EOGT: variants seen among roughly 807,000 people sequenced by gnomAD.
The protein encoded by EOGT is EGF domain specific O-linked N-acetylglucosamine transferase, also known as EGF domain-specific O-linked N-acetylglucosamine transferase.
Under a neutral mutation model 70.5 loss-of-function variants are expected in EOGT, and 55 were observed. The ratio of observed to expected loss-of-function variants is 0.78; its 90% confidence interval spans 0.63 to 0.98. The LOEUF (loss-of-function observed/expected upper bound fraction) is 0.98, where lower values mean the gene tolerates loss of function less well. Ranked by LOEUF, EOGT falls within the 50% of genes least tolerant of loss-of-function variation. The pLI, the probability that EOGT is intolerant of heterozygous loss-of-function variation, is 0.00. For synonymous variants in EOGT, 246 were observed against 217.1 expected (o/e 1.13, Z -1.17); for missense variants, 703 against 641.9 (o/e 1.10, Z -1.03).
chr3:68,989,966 T>C (rs2090939976), intron 10 of EOGT, among the ~76,000 whole-genome samples: 1 of 151,780 alleles, frequency 6.6e-6, no homozygotes, highest in East Asian at 1.9e-4. Flanking sequence ...AATAAAAATA[T>C]ATAACATATG....
chr3:69,006,027 G>A (rs1243390879), intron 6 of EOGT, among the ~76,000 whole-genome samples: 2 of 152,126 alleles, frequency 1.3e-5, no homozygotes, highest in African/African-American at 4.8e-5. Context: ...AACCCCCAAT[G>A]TGATGATATT....
chr3:68,996,723 C>T (rs2091158747), intron 10 of EOGT, among the ~76,000 whole-genome samples: 1 of 152,174 alleles, frequency 6.6e-6, no homozygotes, highest in South Asian at 2.1e-4. Context: ...CTGAGGCTGC[C>T]CTGCCAGCAA....
intron 1 of EOGT, 44 bp from the exon 2 acceptor site, chr3:69,012,843 T>C (rs2091609741): frequency 6.6e-6 from 1 of 152,376 alleles, no homozygotes. Flanking sequence ...AGATGATGGA[T>C]AGGAGGCAAA....
At chr3:69,004,299 T>G in intron 8 of EOGT, 79 bp downstream of exon 8, 2 of 1,057,832 alleles carry the variant, frequency 1.9e-6, no homozygotes, top group Non-Finnish European at 2.9e-6. Context: ...ATTTTCCATT[T>G]GAGAGTCTCC....
Position 68,977,624 on chromosome 3 carries a change from C to A in EOGT, c.1578G>T (p.Glu526Asp). The A allele has an allele frequency of 6.2e-7, 1 of 1,613,716 alleles. No individual in the cohort carries two copies. The highest frequency in any genetic ancestry group is 8.5e-7 in the Non-Finnish European group (1 of 1,179,864). ...GCAAACAGACTCAGCATATTTATAG[C>A]TCATCATGTTTCTTCTTAAATGGCC... ...PKWPFKKKHD[E>D]L The change falls in exon 18 of 18, where the codon GAG (glutamate) becomes GAT (aspartate). Residue 526 changes from glutamate to aspartate, a missense_variant. By Grantham distance (45) the Glu-to-Asp change is conservative. Transcript: ENST00000383701.
rs1240066046 is a variant in EOGT, at chr3:68,994,116, T to C, written c.831+3895A>G. Among the ~76,000 whole-genome samples, 10 of 152,154 alleles carry C rather than the reference T, an allele frequency of 6.6e-5. No homozygotes were observed. In the East Asian group the frequency reaches 7.7e-4, roughly 12 times the overall value. Reference sequence around the variant, plus strand: ...CAGATGTCAAATCAGAAGACAGTAATATATATTATATATACGCACACACAC... The same window carrying C: ...CAGATGTCAAATCAGAAGACAGTAACATATATTATATATACGCACACACAC... On this transcript the variant is annotated intron_variant, in intron 10 of 17. Coordinates refer to ENST00000383701, the MANE Select transcript of EOGT (RefSeq NM_001278689.2).
intron 4 of EOGT, among the ~76,000 whole-genome samples, chr3:69,008,773 TAGACGCTCAA>T (rs2091499394): frequency 6.6e-6 from 1 of 152,230 alleles, no homozygotes; most frequent in Admixed American, 6.5e-5. Context: ...GGGCTTTACC[TAGACGCTCAA>T]AGACCACTTG....
intron 9 of EOGT, among the ~76,000 whole-genome samples, chr3:68,998,790 T>C (rs1302447696): frequency 7.6e-6 from 1 of 131,332 alleles, no homozygotes; most frequent in Admixed American, 9.1e-5. Context: ...TGAACCAAGA[T>C]CACACCACTG....
At chr3:69,004,722 C>G (rs1005564332) in intron 7 of EOGT, among the ~76,000 whole-genome samples, 6 of 152,204 alleles carry the variant, frequency 3.9e-5, no homozygotes, top group African/African-American at 1.4e-4. Flanking sequence ...ATCCATCCCC[C>G]CACCCATTCC....
At chr3:68,979,591 T>C in intron 16 of EOGT, 77 bp downstream of exon 16, 1 of 1,459,640 alleles carries the variant, frequency 6.9e-7, no homozygotes, top group Non-Finnish European at 9.3e-7. Flanking sequence ...AGCCTTTTGA[T>C]GCTCAGAATG....
chr3:68,994,395 G>A (rs114188136), intron 10 of EOGT, among the ~76,000 whole-genome samples: 181 of 152,222 alleles, frequency 1.2e-3, no homozygotes, highest in African/African-American at 4.2e-3. Flanking sequence ...GTTACCCTTG[G>A]GGGAACAGGG....
chr3:68,988,883 C>T (rs1559594670), intron 11 of EOGT, 42 bp downstream of exon 11: 1 of 1,121,076 alleles, frequency 8.9e-7, no homozygotes, highest in Non-Finnish European at 1.3e-6. Flanking sequence ...GTCATCTGCA[C>T]TCAAGAAATA....
intron 17 of EOGT, among the ~76,000 whole-genome samples, chr3:68,977,967 G>A (rs893309831): frequency 1.3e-5 from 2 of 152,176 alleles, no homozygotes; most frequent in African/African-American, 2.4e-5. Flanking sequence ...CTCCACTGTC[G>A]TTGAAGTGCA....
chr3:68,978,011 C>G (rs1035372965), intron 17 of EOGT, among the ~76,000 whole-genome samples: 3 of 152,226 alleles, frequency 2.0e-5, no homozygotes, highest in Non-Finnish European at 4.4e-5. Flanking sequence ...AACAGACAGG[C>G]ATGACTGTGC....
intron 10 of EOGT, among the ~76,000 whole-genome samples, chr3:68,990,795 A>C (rs1334919157): frequency 6.6e-6 from 1 of 152,120 alleles, no homozygotes; most frequent in Non-Finnish European, 1.5e-5. Flanking sequence ...CTACAGTTAT[A>C]CATTATGTTC....
At chr3:69,005,325 C>T (rs2091413310) in intron 6 of EOGT, 91 bp from the exon 7 acceptor site, 2 of 656,284 alleles carry the variant, frequency 3.0e-6, no homozygotes, top group Non-Finnish European at 5.4e-6. Context: ...AGCACGGATA[C>T]CCTCACATTC....
intron 4 of EOGT, among the ~76,000 whole-genome samples, chr3:69,009,426 A>G (rs538700152): frequency 6.6e-6 from 1 of 152,238 alleles, no homozygotes; most frequent in African/African-American, 2.4e-5. Context: ...TTGTTTTAGA[A>G]GTGATTTAGA....
At chr3:68,988,027 G>A (rs1321370642) in intron 13 of EOGT, among the ~76,000 whole-genome samples, 1 of 152,212 alleles carries the variant, frequency 6.6e-6, no homozygotes, top group Non-Finnish European at 1.5e-5. Flanking sequence ...CGATTCTCAT[G>A]CCCCAGCCTC....
chr3:68,975,376 AAAGT>A lies in EOGT; in HGVS notation c.*2238_*2241del, dbSNP rs2090448507. 1 of 152,648 alleles carries A rather than the reference AAAGT, an allele frequency of 6.6e-6. No individual in the cohort carries two copies. The highest frequency in any genetic ancestry group is 2.4e-5 in the African/African-American group (1 of 41,458). The allele number at this position is 152,648 out of a possible 1,614,324, so 9.5% of individuals were successfully genotyped here. A position where few individuals can be genotyped will look rare whatever the true frequency, so the allele number is the denominator to read the frequency against. On this transcript the variant is annotated 3_prime_UTR_variant, in exon 18 of 18. Coordinates refer to ENST00000383701, the MANE Select transcript of EOGT (RefSeq NM_001278689.2). Reference sequence around the variant, plus strand: ...CACAAAAAGTCTCATAAAATTCCATAAAGTGTCAAATGTATTTTCCTGTTTATAT... The same window carrying A: ...CACAAAAAGTCTCATAAAATTCCATAGTCAAATGTATTTTCCTGTTTATAT...
Sources: gnomAD v4.1 joint callset for allele counts (sites outside exome capture counted in the v4.1 genomes callset) on GRCh38, gnomAD v4.1.1 for gene constraint, MANE v1.5 for transcripts, NCBI Gene and HGNC (gene_info 2026-07-23, HGNC 2026-07-21) for gene names.